Variants in CHD6 observed in about 807,000 individuals in gnomAD.
CHD6 encodes the protein chromodomain helicase DNA binding protein 6, also known as ATP-dependent chromatin remodeler CHD6.
A neutral mutation model predicts 276.9 loss-of-function variants in CHD6; 50 were observed. The observed-to-expected ratio is 0.18, with a 90% CI of 0.14 to 0.23. The LOEUF is 0.23. Among genes scored for constraint, CHD6 ranks in the 10% least tolerant of loss-of-function variants. The pLI is 1.00. For synonymous variants in CHD6, 1,173 were observed against 1,229.3 expected (o/e 0.95, Z 0.96); for missense variants, 2,564 against 3,365.8 (o/e 0.76, Z 5.89).
intron 13 of CHD6, 106 bp from the exon 14 acceptor site, chr20:41,487,914 T>C: frequency 8.9e-7 from 1 of 1,119,570 alleles, no homozygotes; most frequent in Non-Finnish European, 1.3e-6. Context: ...TTGGGGCAAT[T>C]CTGATCTGCT....
intron 1 of CHD6, among the ~76,000 whole-genome samples, chr20:41,582,246 G>T (rs1026866105): frequency 2.6e-5 from 4 of 152,084 alleles, no homozygotes; most frequent in African/African-American, 9.7e-5. Flanking sequence ...AGACAAATCT[G>T]CTAACAAATG....
chr20:41,577,583 G>C (rs1468124323), intron 1 of CHD6, among the ~76,000 whole-genome samples: 1 of 152,150 alleles, frequency 6.6e-6, no homozygotes, highest in East Asian at 1.9e-4. Context: ...TCCTTTACGT[G>C]GACATGTAGT....
At chr20:41,611,106 A>G (rs985334722) in intron 1 of CHD6, among the ~76,000 whole-genome samples, 10 of 152,242 alleles carry the variant, frequency 6.6e-5, no homozygotes. Flanking sequence ...CTATTTTCTG[A>G]ACATTCAAAT....
At chr20:41,526,644 A>G (rs1005099098) in intron 3 of CHD6, among the ~76,000 whole-genome samples, 1 of 152,234 alleles carries the variant, frequency 6.6e-6, no homozygotes, top group Non-Finnish European at 1.5e-5. Flanking sequence ...GATTTGGGAG[A>G]AAAATCTGCT....
Position 41,404,354 on chromosome 20 carries a change from A to G in CHD6, c.*239T>C. ...TGTATTAACTATGATTGCTGGAATGAACTGGATAACAGAATGAGAATTCTG... is the reference window on the plus strand; with the variant it reads ...TGTATTAACTATGATTGCTGGAATGGACTGGATAACAGAATGAGAATTCTG... On this transcript the variant is annotated 3_prime_UTR_variant, in exon 37 of 37. Coordinates refer to ENST00000373233, the MANE Select transcript of CHD6 (RefSeq NM_032221.5). 1 of 1,227,120 alleles carries G rather than the reference A, an allele frequency of 8.1e-7. No individual in the cohort carries two copies. Among genetic ancestry groups the G allele is most frequent in the South Asian group, 3.8e-5 (1 of 26,132 alleles). The allele number at this position is 1,227,120 out of a possible 1,614,324, so 76.0% of individuals were successfully genotyped here. A position where few individuals can be genotyped will look rare whatever the true frequency, so the allele number is the denominator to read the frequency against.
intron 1 of CHD6, among the ~76,000 whole-genome samples, chr20:41,589,647 A>T (rs2045634596): frequency 6.6e-6 from 1 of 152,214 alleles, no homozygotes; most frequent in Non-Finnish European, 1.5e-5. Flanking sequence ...AATACCTAGG[A>T]ATCCAACTTA....
At chr20:41,415,788 C>G (rs1241507759) in intron 33 of CHD6, 150 bp from the exon 34 acceptor site, 1 of 627,278 alleles carries the variant, frequency 1.6e-6, no homozygotes, top group East Asian at 2.8e-5. Context: ...CAAACCTGAA[C>G]AGCTTGTTAA....
chr20:41,618,066 G>A (rs940868273), intron 1 of CHD6, among the ~76,000 whole-genome samples: 12 of 148,564 alleles, frequency 8.1e-5, no homozygotes, highest in Non-Finnish European at 1.6e-4. Flanking sequence ...CGCCCGGCCC[G>A]AGCGAAAGCG....
chr20:41,588,829 G>A (rs1243877287), intron 1 of CHD6, among the ~76,000 whole-genome samples: 2 of 152,044 alleles, frequency 1.3e-5, no homozygotes, highest in Non-Finnish European at 2.9e-5. Flanking sequence ...TATAGGATAT[G>A]GTCTAAAATT....
chr20:41,404,643 C>A lies in CHD6; in HGVS notation c.8098G>T (p.Ala2700Ser). The part of the protein sequence containing the change: ...APLPAEREHG[A>S]QAGEGALKDS... ...TTGAGTGCCCCCTCCCCAGCCTGTG[C>A]CCCATGTTCTCTCTCTGCGGGCAAA... The change falls in exon 37 of 37, where the codon GCA (alanine) becomes TCA (serine). Residue 2700 changes from alanine to serine, a missense_variant. Physicochemically the swap from Ala to Ser is moderately conservative, Grantham distance 99. This residue lies in a region of CHD6 where 238 missense variants were observed against 266.0 expected (regional missense o/e 0.89). Transcript: ENST00000373233. The A allele has an allele frequency of 1.3e-6, 2 of 1,517,316 alleles. No homozygotes were observed. The highest frequency in any genetic ancestry group is 1.8e-6 in the Non-Finnish European group (2 of 1,132,760). 94.0% of individuals were successfully genotyped at this position (1,517,316 alleles called of 1,614,324 possible). A position where few individuals can be genotyped will look rare whatever the true frequency, so the allele number is the denominator to read the frequency against.
intron 1 of CHD6, among the ~76,000 whole-genome samples, chr20:41,606,095 C>T (rs1005542628): frequency 3.0e-4 from 45 of 152,240 alleles, no homozygotes; most frequent in African/African-American, 7.2e-4. Flanking sequence ...AGACTTATCT[C>T]GGCCGGGCGT....
chr20:41,496,146 C>T lies in CHD6; in HGVS notation c.1092+1238G>A, dbSNP rs141039240. The stretch of plus-strand genomic sequence containing the variant: ...GGTGCAGTCTAGGATTAGTAGGATT[C>T]GTTTACTTTTTAAACAGCCATGTCC... On this transcript the variant is annotated intron_variant, in intron 8 of 36. Transcript: ENST00000373233. 5.3e-4 allele frequency among the ~76,000 whole-genome samples: 81 copies of T among 152,248 alleles called. No homozygotes were observed. The East Asian group carries it at 0.013, about 24-fold the overall frequency.
intron 35 of CHD6, among the ~76,000 whole-genome samples, chr20:41,412,879 C>T (rs904019664): frequency 6.6e-6 from 1 of 152,124 alleles, no homozygotes; most frequent in Admixed American, 6.5e-5. Flanking sequence ...GACAGACCGT[C>T]CCCCAACCAC....
chr20:41,553,834 C>T (rs528891913), intron 1 of CHD6, among the ~76,000 whole-genome samples: 2 of 152,238 alleles, frequency 1.3e-5, no homozygotes, highest in East Asian at 1.9e-4. Context: ...TAAAATTCTG[C>T]CCAACAAAAT....
chr20:41,557,119 G>A (rs1041382928), intron 1 of CHD6, among the ~76,000 whole-genome samples: 4 of 152,308 alleles, frequency 2.6e-5, no homozygotes, highest in East Asian at 1.9e-4. Flanking sequence ...AGATAACTCC[G>A]TGTGGGCAAA....
chr20:41,452,705 C>T lies in CHD6; in HGVS notation c.3323+35G>A, dbSNP rs1374523208. ...CTGAAAAACAGAGGGGAACAAACAA[C>T]AATAACAACAAAACTAAGCAGAGCC... On this transcript the variant is annotated intron_variant, in intron 21 of 36. Coordinates refer to ENST00000373233, the MANE Select transcript of CHD6 (RefSeq NM_032221.5). The surrounding 1 kb of genome is among the most constrained non-coding windows in gnomAD (Gnocchi z 4.2). The T allele has an allele frequency of 6.3e-7, 1 of 1,581,712 alleles. No homozygotes were observed. The highest frequency in any genetic ancestry group is 2.2e-5 in the East Asian group (1 of 44,584).
At chr20:41,520,086 G>A (rs2044351499) in intron 3 of CHD6, among the ~76,000 whole-genome samples, 1 of 152,162 alleles carries the variant, frequency 6.6e-6, no homozygotes. Context: ...ATCATCACTG[G>A]CCATGAGAGA....
rs2145964675 is a variant in CHD6 at position 41,512,840 on chromosome 20, C to T, written c.852+6G>A. ...CAAGGTCAGTAACCTCATGCAAAGG[C>T]CATACCTCCGCCTGCCAGGCCAGTG... is the stretch of plus-strand genomic sequence containing the variant. On this transcript the variant is annotated splice_donor_region_variant and intron_variant, in intron 5 of 36. Coordinates refer to ENST00000373233, the MANE Select transcript of CHD6 (RefSeq NM_032221.5). 1 of 1,613,926 alleles carries T rather than the reference C, an allele frequency of 6.2e-7. No individual in the cohort carries two copies. Among genetic ancestry groups the T allele is most frequent in the Non-Finnish European group, 8.5e-7 (1 of 1,179,864 alleles).
At chr20:41,562,579 C>T (rs972277372) in intron 1 of CHD6, among the ~76,000 whole-genome samples, 14 of 151,384 alleles carry the variant, frequency 9.2e-5, no homozygotes, top group East Asian at 1.9e-4. Flanking sequence ...AGATCAACTT[C>T]GGTGAAAAAT....
Sources: allele counts gnomAD v4.1 joint callset (sites outside exome capture counted in the v4.1 genomes callset), GRCh38; gene constraint gnomAD v4.1.1; regional missense constraint gnomAD v4.1.1; non-coding constraint Gnocchi (gnomAD v3.1); transcripts MANE v1.5; gene names NCBI Gene and HGNC (gene_info 2026-07-23, HGNC 2026-07-21).